The following ARK2C variants were observed in gnomAD, a reference collection of about 807,000 sequenced individuals.
The protein encoded by ARK2C is arkadia (RNF111) C-terminal like ring finger ubiquitin ligase 2C, also known as E3 ubiquitin-protein ligase ARK2C.
the ARK2C span, among the ~76,000 whole-genome samples, chr18:46,372,046 A>C: frequency 1.3e-5 from 2 of 152,324 alleles, no homozygotes; most frequent in Non-Finnish European, 2.9e-5. Context: ...CCTGAAGATG[A>C]GGCCCACAGT....
the ARK2C span, among the ~76,000 whole-genome samples, chr18:46,371,422 G>T: frequency 2.0e-5 from 3 of 152,208 alleles, no homozygotes; most frequent in African/African-American, 7.2e-5. Context: ...TCATCCCAGG[G>T]ATGACCCAGG....
the ARK2C span, among the ~76,000 whole-genome samples, chr18:46,428,458 G>A: frequency 6.6e-6 from 1 of 152,180 alleles, no homozygotes; most frequent in South Asian, 2.1e-4. Flanking sequence ...ACCAGGCCAA[G>A]GGGTTTGGAT....
At chr18:46,388,960 G>A in the ARK2C span, among the ~76,000 whole-genome samples, 6 of 152,164 alleles carry the variant, frequency 3.9e-5, no homozygotes, top group Admixed American at 3.9e-4. Context: ...CTCTGTGGCT[G>A]TTTATTGGAT....
chr18:46,379,591 C>G, the ARK2C span, among the ~76,000 whole-genome samples: 1 of 152,234 alleles, frequency 6.6e-6, no homozygotes, highest in Non-Finnish European at 1.5e-5. Flanking sequence ...ACCAGCCCCA[C>G]AGGGCAAAGT....
chr18:46,398,989 C>T, the ARK2C span, among the ~76,000 whole-genome samples: 4 of 152,240 alleles, frequency 2.6e-5, no homozygotes, highest in South Asian at 8.3e-4. Flanking sequence ...CTGGGTGTGG[C>T]CGCCAGAGAT....
At chr18:46,334,247 CG>C in the ARK2C span, 1 of 1,442,662 alleles carries the variant, frequency 6.9e-7, no homozygotes, top group Non-Finnish European at 9.1e-7. This position sits in a 1 kb window ranked among gnomAD's most constrained non-coding sequence, Gnocchi z 4.4. Context: ...GCGCAGCCGC[CG>C]CCGCCGCCGC....
At chr18:46,416,925 A>G in the ARK2C span, among the ~76,000 whole-genome samples, 2 of 152,230 alleles carry the variant, frequency 1.3e-5, no homozygotes, top group Non-Finnish European at 2.9e-5. Context: ...CCCAGAGGCA[A>G]GGGGTGGGAA....
the ARK2C span, among the ~76,000 whole-genome samples, chr18:46,368,805 C>T: frequency 3.3e-5 from 5 of 152,210 alleles, no homozygotes; most frequent in Non-Finnish European, 7.3e-5. Flanking sequence ...AATCATTGAA[C>T]ATCTTTGAAC....
the ARK2C span, chr18:46,334,324 T>C: frequency 1.3e-6 from 2 of 1,586,102 alleles, no homozygotes; most frequent in Non-Finnish European, 1.7e-6. This position sits in a 1 kb window ranked among gnomAD's most constrained non-coding sequence, Gnocchi z 4.4. Context: ...TTTGGCTCTG[T>C]GCGAAACAGA....
At chr18:46,414,283 C>T in the ARK2C span, among the ~76,000 whole-genome samples, 1 of 152,226 alleles carries the variant, frequency 6.6e-6, no homozygotes, top group African/African-American at 2.4e-5. Context: ...CTGCTTTAAT[C>T]TCCCTATGCT....
the ARK2C span, among the ~76,000 whole-genome samples, chr18:46,451,005 T>C: frequency 2.0e-5 from 3 of 151,936 alleles, no homozygotes; most frequent in African/African-American, 7.3e-5. Context: ...ATGGAAGGCC[T>C]CTCATTAGTA....
At chr18:46,334,435 C>T in the ARK2C span, 5 of 1,014,954 alleles carry the variant, frequency 4.9e-6, no homozygotes, top group Non-Finnish European at 6.7e-6. This position sits in a 1 kb window ranked among gnomAD's most constrained non-coding sequence, Gnocchi z 4.4. Flanking sequence ...CAGGGCACAC[C>T]CGCGAGGACG....
chr18:46,343,521 C>G, the ARK2C span, among the ~76,000 whole-genome samples: 3 of 152,206 alleles, frequency 2.0e-5, no homozygotes, highest in African/African-American at 7.2e-5. Flanking sequence ...AGTGGTGGCA[C>G]TCAGACAGGC....
chr18:46,410,323 A>T, the ARK2C span, among the ~76,000 whole-genome samples: 5 of 152,214 alleles, frequency 3.3e-5, no homozygotes, highest in African/African-American at 1.2e-4. Flanking sequence ...AATGTGTTCC[A>T]GGTGCTCAAT....
chr18:46,375,619 C>T, the ARK2C span, among the ~76,000 whole-genome samples: 9 of 151,488 alleles, frequency 5.9e-5, no homozygotes, highest in African/African-American at 2.2e-4. Flanking sequence ...CTTCCATTTC[C>T]TTAGCTCCTT....
At chr18:46,456,644 A>G in the ARK2C span, 1 of 1,581,914 alleles carries the variant, frequency 6.3e-7, no homozygotes, top group Non-Finnish European at 8.7e-7. Context: ...TGAGGGAGGA[A>G]TTAGCCAGTG....
At chr18:46,435,142 G>C in the ARK2C span, 5 of 626,630 alleles carry the variant, frequency 8.0e-6, no homozygotes, top group Non-Finnish European at 8.5e-6. Flanking sequence ...GTCAAGAGTG[G>C]TGAAGCTCAG....
At chr18:46,334,556 TC>T in the ARK2C span, 1 of 494,900 alleles carries the variant, frequency 2.0e-6, no homozygotes, top group Non-Finnish European at 3.5e-6. This position sits in a 1 kb window ranked among gnomAD's most constrained non-coding sequence, Gnocchi z 4.4. Flanking sequence ...CGAATTTGGG[TC>T]CCTTCCTCCC....
chr18:46,358,187 C>T, the ARK2C span, among the ~76,000 whole-genome samples: 1 of 152,300 alleles, frequency 6.6e-6, no homozygotes, highest in East Asian at 1.9e-4. Flanking sequence ...TCATGCAGGC[C>T]TCATGAGCTG....
Sources: gnomAD v4.1 joint callset for allele counts (sites outside exome capture counted in the v4.1 genomes callset) on GRCh38, gnomAD v4.1.1 for gene constraint, Gnocchi (gnomAD v3.1) non-coding constraint, MANE v1.5 for transcripts, NCBI Gene and HGNC (gene_info 2026-07-23, HGNC 2026-07-21) for gene names.